RNASEH1: variants seen among roughly 807,000 people sequenced by gnomAD.
RNASEH1 encodes ribonuclease H1.
A neutral mutation model predicts 34.6 loss-of-function variants in RNASEH1; 27 were observed. The ratio of observed to expected loss-of-function variants is 0.78; its 90% CI spans 0.58 to 1.08. The LOEUF is 1.08. Among genes scored for constraint, RNASEH1 ranks in the 50% least tolerant of loss-of-function variants. The pLI, the probability that RNASEH1 is intolerant of heterozygous loss-of-function variation, is 0.00. For synonymous variants in RNASEH1, 162 were observed against 138.4 expected (o/e 1.17, Z -1.20); for missense variants, 349 against 373.6 (o/e 0.93, Z 0.54).
downstream of RNASEH1, among the ~76,000 whole-genome samples, chr2:3,539,705 T>C (rs1354402577): frequency 6.6e-6 from 1 of 152,194 alleles, no homozygotes; most frequent in African/African-American, 2.4e-5. Flanking sequence ...CATCACGTTA[T>C]TAAAAAAGGG....
At chr2:3,550,303 G>T in intron 4 of RNASEH1, 70 bp downstream of exon 4, 1 of 1,253,252 alleles carries the variant, frequency 8.0e-7, no homozygotes. Flanking sequence ...CAAACAATGA[G>T]CAGATCCCGC....
chr2:3,535,144 G>A, the RNASEH1 span, among the ~76,000 whole-genome samples: 4 of 152,148 alleles, frequency 2.6e-5, no homozygotes, highest in Admixed American at 6.5e-5. Flanking sequence ...TGGGCTGGCC[G>A]CAGTGGTTCA....
downstream of RNASEH1, among the ~76,000 whole-genome samples, chr2:3,539,737 C>T (rs940325895): frequency 6.6e-6 from 1 of 152,150 alleles, no homozygotes; most frequent in African/African-American, 2.4e-5. Flanking sequence ...GTGACCTATT[C>T]CTTCTTGCTC....
rs975530047 is a variant in RNASEH1, at chr2:3,558,033, G to A, written c.128+100C>T. On this transcript the variant is annotated intron_variant, in intron 1 of 7. Coordinates refer to ENST00000315212, the MANE Select transcript of RNASEH1 (RefSeq NM_002936.6). ...ACCCACAGCCACAGCGCGCGGCACA[G>A]ACTCGGACCGCCAGGCTCCCGCCGC... 6.8e-6 allele frequency: 10 copies of A among 1,480,660 alleles called. No individual in the cohort carries two copies. In the African/African-American group the frequency reaches 7.1e-5, roughly 11 times the overall value. The allele number at this position is 1,480,660 out of a possible 1,614,324, so 91.7% of individuals were successfully genotyped here.
intron 4 of RNASEH1, among the ~76,000 whole-genome samples, chr2:3,549,570 CA>C (rs1027683126): frequency 3.3e-5 from 5 of 152,082 alleles, no homozygotes; most frequent in Non-Finnish European, 7.4e-5. Context: ...ATTTTTGGGC[CA>C]GGGGTGGTGG....
intron 7 of RNASEH1, among the ~76,000 whole-genome samples, chr2:3,546,256 C>T (rs1341934717): frequency 6.6e-6 from 1 of 152,160 alleles, no homozygotes; most frequent in Non-Finnish European, 1.5e-5. Context: ...ACTTATTTAA[C>T]CACTGTTTAC....
Position 3,548,068 on chromosome 2 carries a change from A to T in RNASEH1, c.650-13T>A. 1 of 1,613,912 alleles carries T rather than the reference A, an allele frequency of 6.2e-7. No homozygotes were observed. Among genetic ancestry groups the T allele is most frequent in the Non-Finnish European group, 8.5e-7 (1 of 1,179,872 alleles). On this transcript the variant is annotated splice_polypyrimidine_tract_variant and intron_variant, in intron 6 of 7. Transcript: ENST00000315212. ...CAGTTAGTTATACCTACAAAAATGC[A>T]CGATCACTGGTGAGTCAATCTTGAG...
At position 3,558,060 on chromosome 2, in the gene RNASEH1, G is replaced by C. The variant is rs1660716817; in HGVS notation, c.128+73C>G. The C allele has an allele frequency of 6.7e-6, 10 of 1,493,544 alleles. No homozygotes were observed. The South Asian group carries it at 1.2e-4, about 18-fold the overall frequency. The allele number at this position is 1,493,544 out of a possible 1,614,324, so 92.5% of individuals were successfully genotyped here. On this transcript the variant is annotated intron_variant, in intron 1 of 7. Coordinates refer to ENST00000315212, the MANE Select transcript of RNASEH1 (RefSeq NM_002936.6). Reference sequence around the variant, plus strand: ...CTCGGACCGCCAGGCTCCCGCCGCCGGGGTTAGCCGGGCTCCGGCCTCCCT... The same window carrying C: ...CTCGGACCGCCAGGCTCCCGCCGCCCGGGTTAGCCGGGCTCCGGCCTCCCT...
intron 2 of RNASEH1, among the ~76,000 whole-genome samples, chr2:3,556,381 C>T (rs1572338994): frequency 1.3e-5 from 2 of 150,380 alleles, no homozygotes; most frequent in Non-Finnish European, 3.0e-5. Context: ...TCTCGGCTCA[C>T]TGTAGCCTCC....
At chr2:3,549,954 A>T (rs1196625290) in intron 4 of RNASEH1, among the ~76,000 whole-genome samples, 1 of 150,600 alleles carries the variant, frequency 6.6e-6, no homozygotes, top group African/African-American at 2.4e-5. Flanking sequence ...TCAGGAAAAA[A>T]AAAAAAAAAG....
Position 3,557,088 on chromosome 2 carries a change from T to C in RNASEH1, c.129-184A>G, listed in dbSNP as rs146453626. On this transcript the variant is annotated intron_variant, in intron 1 of 7. Coordinates refer to ENST00000315212, the MANE Select transcript of RNASEH1 (RefSeq NM_002936.6). ...TGCTTAAGTCCTTTGCATAAAATGG[T>C]GTATTTGCAAATAACCCACACACAT... Among the ~76,000 whole-genome samples the C allele has an allele frequency of 8.5e-3, 1,302 of 152,360 alleles. 20 individuals carry two copies. The highest frequency in any genetic ancestry group is 0.029 in the African/African-American group (1,208 of 41,570).
chr2:3,547,880 T>G (rs1668907250), intron 7 of RNASEH1, 51 bp downstream of exon 7: 1 of 1,576,676 alleles, frequency 6.3e-7, no homozygotes, highest in East Asian at 2.2e-5. Context: ...CTAGTAAACT[T>G]AGCTTATTTG....
chr2:3,536,846 C>G (rs79511957), downstream of RNASEH1: 1 of 152,416 alleles, frequency 6.6e-6, no homozygotes, highest in East Asian at 1.9e-4. Flanking sequence ...CCGCTGGTTC[C>G]GTTTCTGCAG....
chr2:3,545,784 C>T lies in RNASEH1; in HGVS notation c.*1G>A, dbSNP rs1668691231. The stretch of plus-strand genomic sequence containing the variant: ...TCTCCCAAGGACTAAAGTCACATGG[C>T]TCAGTCTTCCGATTGTTTAGCTCCT... On this transcript the variant is annotated 3_prime_UTR_variant, in exon 8 of 8. Coordinates refer to ENST00000315212, the MANE Select transcript of RNASEH1 (RefSeq NM_002936.6). The T allele has an allele frequency of 3.1e-6, 5 of 1,609,342 alleles. No homozygotes were observed.
intron 2 of RNASEH1, among the ~76,000 whole-genome samples, chr2:3,555,846 T>C (rs1263918600): frequency 2.0e-5 from 3 of 152,172 alleles, no homozygotes; most frequent in African/African-American, 7.2e-5. Flanking sequence ...CTTTAAACTT[T>C]GAATAACCGT....
chr2:3,535,692 C>T, the RNASEH1 span, among the ~76,000 whole-genome samples: 1 of 152,040 alleles, frequency 6.6e-6, no homozygotes, highest in South Asian at 2.1e-4. Flanking sequence ...GCATTTTATT[C>T]TGAGAGGGAC....
intron 2 of RNASEH1, among the ~76,000 whole-genome samples, chr2:3,555,250 A>G (rs962345803): frequency 1.3e-5 from 2 of 151,986 alleles, no homozygotes; most frequent in African/African-American, 4.8e-5. Context: ...TTAACTTAAG[A>G]TGGTTCTTCA....
At chr2:3,540,607 C>T (rs1336006799), downstream of RNASEH1, among the ~76,000 whole-genome samples, 1 of 152,180 alleles carries the variant, frequency 6.6e-6, no homozygotes, top group South Asian at 2.1e-4. Context: ...TGGGGTTTTA[C>T]CATCTTGGTC....
intron 3 of RNASEH1, among the ~76,000 whole-genome samples, chr2:3,551,757 T>C (rs1659937056): frequency 1.3e-5 from 2 of 152,224 alleles, no homozygotes; most frequent in Non-Finnish European, 2.9e-5. Flanking sequence ...ATAGAATCTC[T>C]TGTTTTCCAA....
Sources: gnomAD v4.1 joint callset for allele counts (sites outside exome capture counted in the v4.1 genomes callset) on GRCh38, gnomAD v4.1.1 for gene constraint, MANE v1.5 for transcripts, NCBI Gene and HGNC (gene_info 2026-07-23, HGNC 2026-07-21) for gene names.